The following CCDC85A variants were observed in gnomAD, a reference collection of about 807,000 sequenced individuals.
The protein encoded by CCDC85A is coiled-coil domain containing 85A, also known as coiled-coil domain-containing protein 85A.
In CCDC85A, 38 loss-of-function variants were observed where a neutral mutation model predicts 50.2. That is an observed-to-expected ratio of 0.76 (90% confidence interval 0.58 to 0.99). The LOEUF is 0.99. CCDC85A is among the 50% of genes least tolerant of loss of function. The probability of loss-of-function intolerance (pLI) is 0.00; values close to 1 mark genes in which losing one functional copy is unlikely to be tolerated. For missense variants in CCDC85A, 820 were observed against 742.0 expected, an observed-to-expected ratio of 1.11 and a Z score of -1.22; for synonymous variants, 366 against 301.4, an observed-to-expected ratio of 1.21 and a Z score of -2.22.
At chr2:56,217,119 AC>A (rs1253449559) in intron 2 of CCDC85A, among the ~76,000 whole-genome samples, 2 of 151,964 alleles carry the variant, frequency 1.3e-5, no homozygotes, top group African/African-American at 4.8e-5. Context: ...TAGAGGTAAT[AC>A]AAATGAGGAT....
chr2:56,184,928 G>A, intron 1 of CCDC85A, 28 bp downstream of exon 1: 1 of 1,454,314 alleles, frequency 6.9e-7, no homozygotes, highest in Non-Finnish European at 9.0e-7. Context: ...GGGGAGGCGC[G>A]GCGCGGCTGG....
intron 3 of CCDC85A, among the ~76,000 whole-genome samples, chr2:56,355,638 A>T (rs1434946132): frequency 6.6e-5 from 10 of 152,244 alleles, no homozygotes; most frequent in Admixed American, 5.2e-4. Context: ...AAAATAAGAC[A>T]GCTCACCTCT....
chr2:56,268,766 A>G (rs1472968409), intron 2 of CCDC85A, among the ~76,000 whole-genome samples: 1 of 152,108 alleles, frequency 6.6e-6, no homozygotes, highest in African/African-American at 2.4e-5. Context: ...TCCTTTATTA[A>G]AAAAACATTT....
chr2:56,344,896 A>T (rs2104328779), intron 3 of CCDC85A, among the ~76,000 whole-genome samples: 1 of 151,880 alleles, frequency 6.6e-6, no homozygotes, highest in Admixed American at 6.6e-5. Flanking sequence ...GCTGACATCA[A>T]ACAGCAAACT....
intron 2 of CCDC85A, among the ~76,000 whole-genome samples, chr2:56,237,190 C>T (rs1414800878): frequency 6.6e-6 from 1 of 152,148 alleles, no homozygotes; most frequent in Non-Finnish European, 1.5e-5. Context: ...TGAAGAGTCA[C>T]TCACTCAGAT....
At chr2:56,220,205 A>G (rs1287635800) in intron 2 of CCDC85A, among the ~76,000 whole-genome samples, 1 of 151,686 alleles carries the variant, frequency 6.6e-6, no homozygotes, top group East Asian at 1.9e-4. Context: ...TACAGGCACA[A>G]ATACTCCCTT....
In CCDC85A at chr2:56,342,923, C is replaced by G. The variant is rs1255731743; in HGVS notation, c.1285C>G (p.Gln429Glu). ...YVRQLEARVRQLEEENRMLPQ... is the reference protein window; with the variant it reads ...YVRQLEARVRELEEENRMLPQ... ...TAGGCAGCTGGAGGCAAGAGTAAGA[C>G]AGCTGGAGGAAGAAAATCGCATGCT... Residue 429 changes from glutamine (Q) to glutamate (E), a missense_variant, in exon 3 of 6, where the codon CAG becomes GAG. By Grantham distance (29) the Gln-to-Glu change is conservative (BLOSUM62 2). Coordinates refer to ENST00000407595, the MANE Select transcript of CCDC85A (RefSeq NM_001080433.2). 3 of 1,598,218 alleles carry G rather than the reference C, an allele frequency of 1.9e-6. No individual in the cohort carries two copies. Among genetic ancestry groups the G allele is most frequent in the Non-Finnish European group, 2.6e-6 (3 of 1,171,594 alleles).
At chr2:56,201,385 C>T (rs1676742466) in intron 2 of CCDC85A, among the ~76,000 whole-genome samples, 1 of 152,132 alleles carries the variant, frequency 6.6e-6, no homozygotes, top group South Asian at 2.1e-4. Flanking sequence ...GTCTCTGATA[C>T]TCCCTGGTGA....
At chr2:56,270,394 G>A (rs1393630768) in intron 2 of CCDC85A, among the ~76,000 whole-genome samples, 1 of 152,140 alleles carries the variant, frequency 6.6e-6, no homozygotes, top group Non-Finnish European at 1.5e-5. Context: ...GTTGCCACTA[G>A]CCAGATTTTC....
chr2:56,266,808 A>C (rs901281354), intron 2 of CCDC85A, among the ~76,000 whole-genome samples: 1 of 152,052 alleles, frequency 6.6e-6, no homozygotes, highest in Admixed American at 6.6e-5. Context: ...ACCCTTAGTT[A>C]TGTCCTCTTT....
At chr2:56,245,561 T>C (rs772708376) in intron 2 of CCDC85A, among the ~76,000 whole-genome samples, 6 of 152,252 alleles carry the variant, frequency 3.9e-5, no homozygotes, top group Non-Finnish European at 8.8e-5. Flanking sequence ...CTTTTTTGCA[T>C]AGATAGTTGT....
chr2:56,204,753 G>A (rs763688177), intron 2 of CCDC85A, among the ~76,000 whole-genome samples: 1 of 152,148 alleles, frequency 6.6e-6, no homozygotes, highest in Non-Finnish European at 1.5e-5. Context: ...ACCATGCATG[G>A]CATGACCTAT....
chr2:56,305,092 G>A (rs1309672794), intron 2 of CCDC85A, among the ~76,000 whole-genome samples: 1 of 144,738 alleles, frequency 6.9e-6, no homozygotes, highest in African/African-American at 2.8e-5. Flanking sequence ...GACAGAGCAA[G>A]ACTCTGCCTC....
chr2:56,279,965 C>T (rs1221365623), intron 2 of CCDC85A, among the ~76,000 whole-genome samples: 1 of 152,054 alleles, frequency 6.6e-6, no homozygotes, highest in Non-Finnish European at 1.5e-5. Context: ...AGGTTATTTC[C>T]CATGGAGCAA....
chr2:56,372,679 G>A (rs1676136627), intron 4 of CCDC85A, among the ~76,000 whole-genome samples: 1 of 152,156 alleles, frequency 6.6e-6, no homozygotes, highest in Non-Finnish European at 1.5e-5. Flanking sequence ...CCCCACATCT[G>A]GGGGTGAAAG....
chr2:56,322,136 ATCAAT>A (rs1673231999), intron 2 of CCDC85A, among the ~76,000 whole-genome samples: 1 of 152,214 alleles, frequency 6.6e-6, no homozygotes, highest in Non-Finnish European at 1.5e-5. Flanking sequence ...TTATACAAAA[ATCAAT>A]TCAAGATGGA....
At chr2:56,329,945 G>GTTTTTT (rs535050957) in intron 2 of CCDC85A, among the ~76,000 whole-genome samples, 6 of 44,158 alleles carry the variant, frequency 1.4e-4, no homozygotes, top group East Asian at 5.6e-4. Flanking sequence ...CAGATTTCCT[G>GTTTTTT]TTTTTTTTTT....
At chr2:56,298,744 G>A (rs1672067811) in intron 2 of CCDC85A, among the ~76,000 whole-genome samples, 1 of 152,210 alleles carries the variant, frequency 6.6e-6, no homozygotes, top group Non-Finnish European at 1.5e-5. Context: ...GAGAGGCAGT[G>A]ATAGGAGGTT....
At chr2:56,310,058 A>G (rs1013544825) in intron 2 of CCDC85A, among the ~76,000 whole-genome samples, 9 of 152,210 alleles carry the variant, frequency 5.9e-5, no homozygotes, top group African/African-American at 1.4e-4. Context: ...GATGTGAGGA[A>G]CTAAAGACCT....
Sources: gnomAD v4.1 joint callset for allele counts (sites outside exome capture counted in the v4.1 genomes callset) on GRCh38, gnomAD v4.1.1 for gene constraint, MANE v1.5 for transcripts, NCBI Gene and HGNC (gene_info 2026-07-23, HGNC 2026-07-21) for gene names.